The following IPO5 variants were observed in gnomAD, a reference collection of about 807,000 sequenced individuals.
IPO5 encodes importin-5.
In IPO5, 18 loss-of-function variants were observed where a neutral mutation model predicts 143.3. The ratio of observed to expected loss-of-function variants is 0.13; its 90% CI spans 0.09 to 0.19. The LOEUF is 0.19. Ranked by LOEUF, IPO5 falls within the 10% of genes least tolerant of loss-of-function variation. The pLI is 1.00. For missense variants in IPO5, 1,013 were observed against 1,336.9 expected (o/e 0.76, Z 3.78); for synonymous variants, 477 against 465.7 (o/e 1.02, Z -0.31).
At chr13:97,999,840 T>C (rs1239097728) in intron 12 of IPO5, among the ~76,000 whole-genome samples, 1 of 152,238 alleles carries the variant, frequency 6.6e-6, no homozygotes, top group Admixed American at 6.5e-5. Flanking sequence ...CAGTTTTCTA[T>C]GTTCTGTTCA....
chr13:98,021,703 G>A lies in IPO5; in HGVS notation c.3208-33G>A, dbSNP rs78242609. 3.2e-5 allele frequency: 43 copies of A among 1,348,218 alleles called. 1 individual carries two copies. The highest frequency in any genetic ancestry group is 1.4e-4 in the East Asian group (6 of 42,798). 83.5% of individuals were successfully genotyped at this position (1,348,218 alleles called of 1,614,324 possible). The stretch of plus-strand genomic sequence containing the variant: ...TAAAATCCTTCCAAATGAGCATTTC[G>A]TCCTAAGTCTGTGAAAATGTTTCTT... On this transcript the variant is annotated intron_variant, in intron 28 of 28. Transcript: ENST00000651721.
rs1233125439 is a variant in IPO5, at chr13:98,006,118, T to A, written c.1498-12T>A. 1.3e-6 allele frequency: 2 copies of A among 1,574,914 alleles called. No homozygotes were observed. Among genetic ancestry groups the A allele is most frequent in the South Asian group, 2.2e-5 (2 of 90,034 alleles). On this transcript the variant is annotated splice_polypyrimidine_tract_variant and intron_variant, in intron 16 of 28. Transcript: ENST00000651721. ...TTTTCCTTTGAGGTAATAATTTGTGTCTTCCTTCTAGCTGATTCAGAAAGG... is the reference window on the plus strand; with the variant it reads ...TTTTCCTTTGAGGTAATAATTTGTGACTTCCTTCTAGCTGATTCAGAAAGG...
chr13:98,000,800 C>A, intron 13 of IPO5, 155 bp downstream of exon 13: 4 of 588,488 alleles, frequency 6.8e-6, no homozygotes, highest in Admixed American at 2.9e-5. Context: ...ATTGTCAATC[C>A]CAAAGAAAAT....
At chr13:97,977,699 A>G (rs906553362) in intron 4 of IPO5, among the ~76,000 whole-genome samples, 3 of 152,220 alleles carry the variant, frequency 2.0e-5, no homozygotes, top group South Asian at 2.1e-4. Flanking sequence ...CAAGTTCACT[A>G]GAAGACTGAT....
intron 9 of IPO5, among the ~76,000 whole-genome samples, chr13:97,991,365 C>T (rs186495716): frequency 3.4e-4 from 52 of 152,188 alleles, no homozygotes; most frequent in Non-Finnish European, 6.3e-4. Context: ...TGTACAAATG[C>T]AATAGCTAAA....
intron 17 of IPO5, among the ~76,000 whole-genome samples, chr13:98,007,084 GCTAGCC>G (rs1889327312): frequency 6.6e-6 from 1 of 151,816 alleles, no homozygotes; most frequent in Admixed American, 6.6e-5. Flanking sequence ...TGTTGGCCAG[GCTAGCC>G]CTGATCTCCT....
chr13:98,014,267 G>A lies in IPO5; in HGVS notation c.2325+53G>A, dbSNP rs1470363829. On this transcript the variant is annotated intron_variant, in intron 22 of 28. Coordinates refer to ENST00000651721, the MANE Select transcript of IPO5 (RefSeq NM_002271.6). ...TATAAGGTTGTATGTTCATTTATTA[G>A]TCTTGCTAAAAGTAAAAAAAAAAAA... The A allele has an allele frequency of 6.7e-6, 9 of 1,351,926 alleles. No homozygotes were observed. In the Admixed American group the frequency reaches 1.7e-4, roughly 25 times the overall value. The allele number at this position is 1,351,926 out of a possible 1,614,324, so 83.7% of individuals were successfully genotyped here.
At chr13:97,979,901 G>A (rs1406595415) in intron 4 of IPO5, 1 of 456,568 alleles carries the variant, frequency 2.2e-6, no homozygotes, top group Non-Finnish European at 4.4e-6. Context: ...GGTGTTAATA[G>A]ATAAAAGTCA....
rs1001115204 is a variant in IPO5, at chr13:97,989,242, C to T, written c.467+78C>T. 7 of 708,494 alleles carry T rather than the reference C, an allele frequency of 9.9e-6. No individual in the cohort carries two copies. In the Middle Eastern group the frequency reaches 9.9e-4, roughly 100 times the overall value. The allele number at this position is 708,494 out of a possible 1,614,324, so 43.9% of individuals were successfully genotyped here. A position where few individuals can be genotyped will look rare whatever the true frequency, so the allele number is the denominator to read the frequency against. The stretch of plus-strand genomic sequence containing the variant: ...ACACCTTTTAACTGATTATTTTAGC[C>T]TAATTTAACCTTATACTTAAAATGA... On this transcript the variant is annotated intron_variant, in intron 7 of 28. Transcript: ENST00000651721.
chr13:98,007,966 G>A (rs1889405894), intron 17 of IPO5, 93 bp from the exon 18 acceptor site: 2 of 695,442 alleles, frequency 2.9e-6, no homozygotes, highest in East Asian at 2.6e-5. Context: ...GACCTATGTG[G>A]GCAATGTAGT....
At chr13:97,971,810 C>T (rs950466485) in intron 3 of IPO5, among the ~76,000 whole-genome samples, 2 of 152,144 alleles carry the variant, frequency 1.3e-5, no homozygotes, top group African/African-American at 4.8e-5. Context: ...AGAGTAATTA[C>T]TTGTTTAAGG....
Position 97,976,773 on chromosome 13 carries a change from G to A in IPO5, c.77G>A (p.Arg26Gln), listed in dbSNP as rs1475372884. 2.9e-6 allele frequency: 4 copies of A among 1,395,578 alleles called. No individual in the cohort carries two copies. Among genetic ancestry groups the A allele is most frequent in the African/African-American group, 1.5e-5 (1 of 65,336 alleles). The allele number at this position is 1,395,578 out of a possible 1,614,324, so 86.4% of individuals were successfully genotyped here. Reference protein sequence around the residue: ...GNLLSPDNVVRKQAEETYENI... With the variant: ...GNLLSPDNVVQKQAEETYENI... The stretch of plus-strand genomic sequence containing the variant: ...CTGCTCAGCCCCGACAATGTGGTCC[G>A]GAAACAGGCAGAGGTAACCGAGTTC... The change falls in exon 4 of 29, where the codon CGG (arginine) becomes CAG (glutamine). Residue 26 changes from arginine to glutamine, a missense_variant. This residue lies in a region of IPO5 where 328 missense variants were observed against 342.0 expected (regional missense o/e 0.96). Transcript: ENST00000651721.
rs780369647 is a variant in IPO5 at position 98,006,246 on chromosome 13, G to A, written c.1614G>A (p.Leu538=). 6 of 1,612,692 alleles carry A rather than the reference G, an allele frequency of 3.7e-6. No homozygotes were observed. The highest frequency in any genetic ancestry group is 4.2e-6 in the Non-Finnish European group (5 of 1,179,534). ...VPYYDLFMPS[L]KHIVENAVQK... ...ACTATGATTTATTTATGCCATCACT[G>A]AAGCACATCGTTGAGAATGCGGTTC... Residue 538 remains leucine, a synonymous_variant, in exon 17 of 29, where the codon CTG becomes CTA. Coordinates refer to ENST00000651721, the MANE Select transcript of IPO5 (RefSeq NM_002271.6).
chr13:98,001,367 G>A (rs761759783), intron 13 of IPO5, among the ~76,000 whole-genome samples: 16 of 152,080 alleles, frequency 1.1e-4, no homozygotes, highest in Non-Finnish European at 1.2e-4. Context: ...GTGGAATCTC[G>A]CTCTGTTGCC....
chr13:98,012,428 A>G (rs1269169539), intron 21 of IPO5, 86 bp downstream of exon 21: 3 of 817,012 alleles, frequency 3.7e-6, no homozygotes, highest in East Asian at 4.9e-5. Flanking sequence ...TGACTGAAGT[A>G]GACTTCACCA....
chr13:97,985,307 A>G (rs1400066183), intron 5 of IPO5, 114 bp from the exon 6 acceptor site: 2 of 759,210 alleles, frequency 2.6e-6, no homozygotes, highest in Non-Finnish European at 4.3e-6. Context: ...AATTAGAAAG[A>G]GTTATATATT....
In IPO5 at chr13:98,002,788, C is replaced by T. The variant is rs773701417; in HGVS notation, c.1323+15C>T. 1 of 1,600,942 alleles carries T rather than the reference C, an allele frequency of 6.2e-7. No homozygotes were observed. The highest frequency in any genetic ancestry group is 1.3e-5 in the African/African-American group (1 of 74,244). On this transcript the variant is annotated intron_variant, in intron 15 of 28. Transcript: ENST00000651721. The stretch of plus-strand genomic sequence containing the variant: ...TTCATGAGAAGGTAAGTAACAAGTC[C>T]TCAAACACTTAAATCAGACTTTAGG...
intron 16 of IPO5, among the ~76,000 whole-genome samples, chr13:98,003,301 A>C (rs1391315954): frequency 1.3e-5 from 2 of 152,234 alleles, no homozygotes; most frequent in African/African-American, 2.4e-5. Context: ...AATAAGGCAG[A>C]GAAGTTTTTG....
intron 2 of IPO5, among the ~76,000 whole-genome samples, chr13:97,958,809 G>A (rs1884650618): frequency 8.0e-6 from 1 of 125,446 alleles, no homozygotes; most frequent in African/African-American, 3.0e-5. Flanking sequence ...ATCTTTGAAA[G>A]TTGAAAGCTT....
Sources: allele counts gnomAD v4.1 joint callset (sites outside exome capture counted in the v4.1 genomes callset), GRCh38; gene constraint gnomAD v4.1.1; regional missense constraint gnomAD v4.1.1; transcripts MANE v1.5; gene names NCBI Gene and HGNC (gene_info 2026-07-23, HGNC 2026-07-21).